DNTT: variants seen among roughly 807,000 people sequenced by gnomAD.
DNTT encodes the protein nucleosidetriphosphate:DNA deoxynucleotidylexotransferase.
Under a neutral mutation model 60.9 loss-of-function variants are expected in DNTT, and 47 were observed. That is an observed-to-expected ratio of 0.77 (90% CI 0.61 to 0.98). The LOEUF is 0.98. Among genes scored for constraint, DNTT ranks in the 50% least tolerant of loss-of-function variants. The pLI is 0.00. For synonymous variants in DNTT, 224 were observed against 221.2 expected, an observed-to-expected ratio of 1.01 and a Z score of -0.11; for missense variants, 665 against 627.5, an observed-to-expected ratio of 1.06 and a Z score of -0.64.
At chr10:96,316,681 G>A (rs78039628) in intron 1 of DNTT, among the ~76,000 whole-genome samples, 3 of 152,090 alleles carry the variant, frequency 2.0e-5, no homozygotes, top group Admixed American at 1.3e-4. Context: ...CCTTTTAGGT[G>A]TGTCATTCAG....
At chr10:96,324,693 G>A (rs1168471821) in intron 6 of DNTT, among the ~76,000 whole-genome samples, 2 of 152,208 alleles carry the variant, frequency 1.3e-5, no homozygotes, top group African/African-American at 2.4e-5. Flanking sequence ...GAGCAAAGGC[G>A]CCCTCCACTG....
At position 96,332,625 on chromosome 10, in the gene DNTT, T is replaced by C. The variant is rs199805930; in HGVS notation, c.1359+29T>C. On this transcript the variant is annotated intron_variant, in intron 9 of 10. Coordinates refer to ENST00000371174, the MANE Select transcript of DNTT (RefSeq NM_004088.4). ...AGTGCTACATGGACCCATGGGATGA[T>C]GTTAGCTTTCTGAAAGACGTAGGCC... 5.9e-5 allele frequency: 95 copies of C among 1,605,400 alleles called. No individual in the cohort carries two copies. In the African/African-American group the frequency reaches 8.2e-4, roughly 14 times the overall value.
At chr10:96,333,414 A>G (rs1456952390) in intron 9 of DNTT, among the ~76,000 whole-genome samples, 1 of 152,228 alleles carries the variant, frequency 6.6e-6, no homozygotes, top group East Asian at 1.9e-4. Context: ...AAGTTCCTCA[A>G]AAAACTAAAA....
intron 9 of DNTT, among the ~76,000 whole-genome samples, chr10:96,335,359 G>A (rs898135429): frequency 3.3e-5 from 5 of 152,118 alleles, no homozygotes; most frequent in African/African-American, 1.2e-4. Context: ...AAAGCCAGAG[G>A]GAGTCTTAAT....
chr10:96,317,140 A>G lies in DNTT; in HGVS notation c.204-1212A>G, dbSNP rs1421646429. ...AAGGATCTTAAAAATCACTGGGTCC[A>G]ATAATATAATGCTGAATGTGAAGAC... On this transcript the variant is annotated intron_variant, in intron 1 of 10. Coordinates refer to ENST00000371174, the MANE Select transcript of DNTT (RefSeq NM_004088.4). Among the ~76,000 whole-genome samples, 3 of 152,238 alleles carry G rather than the reference A, an allele frequency of 2.0e-5. No individual in the cohort carries two copies. The East Asian group carries it at 5.8e-4, about 29-fold the overall frequency.
intron 1 of DNTT, among the ~76,000 whole-genome samples, chr10:96,317,166 T>A (rs933245020): frequency 5.9e-5 from 9 of 152,204 alleles, no homozygotes; most frequent in Non-Finnish European, 1.2e-4. Context: ...ATGTGAAGAC[T>A]TATTAAAAAC....
chr10:96,318,542 G>T lies in DNTT; in HGVS notation c.378+16G>T. 6.2e-7 allele frequency: 1 copy of T among 1,610,750 alleles called. No individual in the cohort carries two copies. The highest frequency in any genetic ancestry group is 1.1e-5 in the South Asian group (1 of 90,510). Reference sequence around the variant, plus strand: ...CCAGCTTGTTGTAAGTGTCATGGGTGTGATTTTCACTGTTCTTTGCTTGAT... The same window carrying T: ...CCAGCTTGTTGTAAGTGTCATGGGTTTGATTTTCACTGTTCTTTGCTTGAT... On this transcript the variant is annotated intron_variant, in intron 2 of 10. Transcript: ENST00000371174.
At chr10:96,307,343 G>GTTGTTTTTTTTTTTTTT (rs1844650391) in intron 1 of DNTT, among the ~76,000 whole-genome samples, 27 of 67,598 alleles carry the variant, frequency 4.0e-4, no homozygotes, top group African/African-American at 1.5e-3. Flanking sequence ...GGGTTTTCCA[G>GTTGTTTTTTTTTTTTTT]TTTTTTTTTT....
At chr10:96,320,863 G>A in intron 4 of DNTT, 75 bp downstream of exon 4, 1 of 1,560,230 alleles carries the variant, frequency 6.4e-7, no homozygotes. Flanking sequence ...GTAGCTAACA[G>A]ATTTTCCTGT....
intron 1 of DNTT, among the ~76,000 whole-genome samples, chr10:96,305,700 G>A (rs749804616): frequency 6.6e-6 from 1 of 152,166 alleles, no homozygotes; most frequent in Non-Finnish European, 1.5e-5. Context: ...AAATAAAACT[G>A]ACAAGCATGT....
In DNTT at chr10:96,324,338, A is replaced by G; in HGVS notation, c.823A>G (p.Ser275Gly). The G allele has an allele frequency of 6.2e-7, 1 of 1,613,886 alleles. No homozygotes were observed. The highest frequency in any genetic ancestry group is 8.5e-7 in the Non-Finnish European group (1 of 1,179,840). Residue 275 changes from serine (S) to glycine (G), a missense_variant, in exon 6 of 11, where the codon AGT becomes GGT. Physicochemically the swap from Ser to Gly is moderately conservative, Grantham distance 56 (BLOSUM62 0). Transcript: ENST00000371174. Reference protein sequence around the residue: ...KWFRMGFRTLSKVRSDKSLKF... With the variant: ...KWFRMGFRTLGKVRSDKSLKF... The stretch of plus-strand genomic sequence containing the variant: ...GTTCAGGATGGGTTTCAGAACTCTG[A>G]GTAAAGTAAGGTCGGACAAAAGCCT...
At position 96,322,653 on chromosome 10, in the gene DNTT, T is replaced by C. The variant is rs1377364987; in HGVS notation, c.679-4T>C. ...ATTTAAAATATTTTTCAACTGTCCA[T>C]TAGGAGATTATTGAAGATGGAGAAA... On this transcript the variant is annotated splice_polypyrimidine_tract_variant and splice_region_variant and intron_variant, in intron 4 of 10. Transcript: ENST00000371174. 6.3e-7 allele frequency: 1 copy of C among 1,598,084 alleles called. No individual in the cohort carries two copies. Among genetic ancestry groups the C allele is most frequent in the African/African-American group, 1.3e-5 (1 of 74,650 alleles).
At chr10:96,324,411 T>C in intron 6 of DNTT, 22 bp downstream of exon 6, 1 of 1,612,946 alleles carries the variant, frequency 6.2e-7, no homozygotes, top group Non-Finnish European at 8.5e-7. Context: ...CTCCTAAAAG[T>C]CATTGTTGCT....
intron 10 of DNTT, among the ~76,000 whole-genome samples, chr10:96,336,428 T>C (rs187098829): frequency 9.2e-5 from 14 of 152,316 alleles, no homozygotes; most frequent in Admixed American, 9.2e-4. Context: ...GAGACATAAA[T>C]GAGCATCCAG....
chr10:96,327,434 A>C, intron 6 of DNTT, 34 bp from the exon 7 acceptor site: 1 of 1,613,670 alleles, frequency 6.2e-7, no homozygotes, highest in Non-Finnish European at 8.5e-7. Flanking sequence ...CACACGTGTC[A>C]CTCTCTCCAT....
intron 10 of DNTT, among the ~76,000 whole-genome samples, chr10:96,337,402 A>G (rs141216163): frequency 6.3e-4 from 96 of 152,318 alleles, no homozygotes; most frequent in South Asian, 1.9e-3. Flanking sequence ...GTGGTTTCCC[A>G]TAGAAAAATC....
chr10:96,316,188 T>C (rs1844783409), intron 1 of DNTT, among the ~76,000 whole-genome samples: 1 of 152,192 alleles, frequency 6.6e-6, no homozygotes, highest in South Asian at 2.1e-4. Flanking sequence ...CTACCAAAAG[T>C]GCCATTACTT....
chr10:96,325,577 T>C (rs969681306), intron 6 of DNTT, among the ~76,000 whole-genome samples: 1 of 152,220 alleles, frequency 6.6e-6, no homozygotes, highest in African/African-American at 2.4e-5. Flanking sequence ...CTTTGTAAAC[T>C]GGATTTTTGT....
intron 8 of DNTT, among the ~76,000 whole-genome samples, chr10:96,330,720 T>A (rs1844997808): frequency 6.6e-6 from 1 of 152,178 alleles, no homozygotes; most frequent in South Asian, 2.1e-4. Context: ...CAATAATCAA[T>A]TTACCAATGA....
Sources: allele counts gnomAD v4.1 joint callset (sites outside exome capture counted in the v4.1 genomes callset), GRCh38; gene constraint gnomAD v4.1.1; transcripts MANE v1.5; gene names NCBI Gene and HGNC (gene_info 2026-07-23, HGNC 2026-07-21).